Variants in SENP6 observed in about 807,000 individuals in gnomAD.
SENP6 encodes the protein sentrin-specific protease 6.
A neutral mutation model predicts 134.5 loss-of-function variants in SENP6; 41 were observed. The observed-to-expected ratio is 0.30, with a 90% CI of 0.24 to 0.40. SENP6 has a LOEUF of 0.40. Among genes scored for constraint, SENP6 ranks in the 10% least tolerant of loss-of-function variants. SENP6 has a pLI of 1.00. For synonymous variants in SENP6, 395 were observed against 429.8 expected (o/e 0.92, Z 1.00); for missense variants, 1,248 against 1,312.5 (o/e 0.95, Z 0.76).
intron 11 of SENP6, among the ~76,000 whole-genome samples, chr6:75,671,970 A>G (rs1772714975): frequency 6.6e-6 from 1 of 152,192 alleles, no homozygotes; most frequent in South Asian, 2.1e-4. Context: ...GCTTCTCACA[A>G]TTTAAAAACT....
At chr6:75,694,022 C>T (rs767655716) in intron 16 of SENP6, among the ~76,000 whole-genome samples, 15 of 152,058 alleles carry the variant, frequency 9.9e-5, no homozygotes, top group Non-Finnish European at 1.8e-4. Context: ...CTTAGGAGGC[C>T]GAGGCAGGTG....
intron 16 of SENP6, among the ~76,000 whole-genome samples, chr6:75,681,557 C>T (rs1308722339): frequency 1.3e-5 from 2 of 152,010 alleles, no homozygotes; most frequent in East Asian, 3.9e-4. Flanking sequence ...CTTCTACATT[C>T]AAGCAGTCCT....
intron 1 of SENP6, among the ~76,000 whole-genome samples, chr6:75,616,745 C>CAAA (rs1227499332): frequency 3.4e-5 from 2 of 58,978 alleles, no homozygotes; most frequent in African/African-American, 1.3e-4. Flanking sequence ...GACTCCATCT[C>CAAA]AAAAAAAAAA....
chr6:75,673,366 C>T (rs1282263700), intron 11 of SENP6, among the ~76,000 whole-genome samples: 2 of 148,098 alleles, frequency 1.4e-5, no homozygotes, highest in Admixed American at 1.4e-4. Flanking sequence ...GTTGTCAGCC[C>T]AGGCTGGAGT....
intron 7 of SENP6, among the ~76,000 whole-genome samples, chr6:75,648,694 T>C (rs919326717): frequency 6.6e-6 from 1 of 152,244 alleles, no homozygotes; most frequent in African/African-American, 2.4e-5. Flanking sequence ...TTAAGTTTAG[T>C]AATAGTGACT....
chr6:75,674,663 T>G (rs1443809584), intron 11 of SENP6, among the ~76,000 whole-genome samples: 2 of 152,208 alleles, frequency 1.3e-5, no homozygotes. Context: ...AGAAACCAGT[T>G]AACACATTCC....
intron 23 of SENP6, 42 bp from the exon 24 acceptor site, chr6:75,715,343 A>T (rs1775970365): frequency 9.5e-6 from 13 of 1,373,056 alleles, no homozygotes; most frequent in Non-Finnish European, 1.3e-5. Context: ...ATGAAAGGTT[A>T]TTTATTACAG....
intron 16 of SENP6, among the ~76,000 whole-genome samples, chr6:75,685,091 A>G (rs1773734273): frequency 6.6e-6 from 1 of 152,142 alleles, no homozygotes; most frequent in Non-Finnish European, 1.5e-5. Context: ...TTACTGGTCT[A>G]TTTAGAGATT....
intron 3 of SENP6, among the ~76,000 whole-genome samples, chr6:75,626,920 T>C (rs527702766): frequency 1.7e-3 from 253 of 152,294 alleles, no homozygotes; most frequent in African/African-American, 5.5e-3. Flanking sequence ...GGTTTTTTTT[T>C]CCCTCTGCAA....
intron 7 of SENP6, chr6:75,654,938 C>T (rs755015453): frequency 6.6e-5 from 10 of 152,298 alleles, no homozygotes; most frequent in Admixed American, 1.3e-4. Context: ...TCCCTTACTA[C>T]GTTAATTCAT....
chr6:75,702,147 T>C (rs1340155516), intron 18 of SENP6, among the ~76,000 whole-genome samples: 1 of 151,944 alleles, frequency 6.6e-6, no homozygotes, highest in Non-Finnish European at 1.5e-5. Flanking sequence ...TGAATAGACA[T>C]TGTGTTCTGT....
At chr6:75,673,312 A>G (rs1331410192) in intron 11 of SENP6, among the ~76,000 whole-genome samples, 1 of 142,896 alleles carries the variant, frequency 7.0e-6, no homozygotes, top group African/African-American at 2.5e-5. Context: ...AAATAGACCA[A>G]TGTCTACTTT....
chr6:75,657,336 C>A (rs1255938905), intron 7 of SENP6, among the ~76,000 whole-genome samples: 1 of 152,104 alleles, frequency 6.6e-6, no homozygotes, highest in South Asian at 2.1e-4. Flanking sequence ...GTAACTTAGC[C>A]TTCATAAAAA....
intron 1 of SENP6, among the ~76,000 whole-genome samples, chr6:75,606,821 G>A (rs1444175586): frequency 6.6e-6 from 1 of 152,140 alleles, no homozygotes; most frequent in Non-Finnish European, 1.5e-5. Context: ...ATTTCTTCTA[G>A]TTTCAAGCAT....
At chr6:75,691,304 T>A (rs1774235094) in intron 16 of SENP6, among the ~76,000 whole-genome samples, 1 of 151,916 alleles carries the variant, frequency 6.6e-6, no homozygotes, top group African/African-American at 2.4e-5. Flanking sequence ...TACCACACTC[T>A]GCTAATTTTT....
At chr6:75,698,034 T>G (rs549587146) in intron 18 of SENP6, 1 of 152,458 alleles carries the variant, frequency 6.6e-6, no homozygotes, top group South Asian at 2.1e-4. Flanking sequence ...ATAGTAGTAT[T>G]TTACAATGGA....
chr6:75,663,184 G>C (rs765429723), intron 8 of SENP6, 37 bp from the exon 9 acceptor site: 3 of 1,581,738 alleles, frequency 1.9e-6, no homozygotes, highest in South Asian at 1.2e-5. Context: ...AAGAAAATCA[G>C]ACCAAATGCC....
intron 1 of SENP6, among the ~76,000 whole-genome samples, chr6:75,610,620 T>C (rs1767372521): frequency 6.6e-6 from 1 of 152,204 alleles, no homozygotes; most frequent in Non-Finnish European, 1.5e-5. Context: ...TTAACTATTA[T>C]CTTCAGAGTA....
chr6:75,610,195 G>GT (rs1461593032), intron 1 of SENP6, among the ~76,000 whole-genome samples: 1 of 152,114 alleles, frequency 6.6e-6, no homozygotes. Context: ...CCTTCCTTTT[G>GT]TTTTTTCTTT....
Sources: gnomAD v4.1 joint callset for allele counts (sites outside exome capture counted in the v4.1 genomes callset) on GRCh38, gnomAD v4.1.1 for gene constraint, MANE v1.5 for transcripts, NCBI Gene and HGNC (gene_info 2026-07-23, HGNC 2026-07-21) for gene names.